DPY19L3: variants seen among roughly 807,000 people sequenced by gnomAD.
The protein encoded by DPY19L3 is protein C-mannosyl-transferase DPY19L3.
Under a neutral mutation model 92.3 loss-of-function variants are expected in DPY19L3, and 51 were observed. The ratio of observed to expected loss-of-function variants is 0.55; its 90% CI spans 0.44 to 0.70. The LOEUF (loss-of-function observed/expected upper bound fraction) is 0.70. Ranked by LOEUF, DPY19L3 falls within the 30% of genes least tolerant of loss-of-function variation. The pLI is 0.00. For synonymous variants in DPY19L3, 309 were observed against 315.2 expected (o/e 0.98, Z 0.21); for missense variants, 706 against 855.9 (o/e 0.82, Z 2.18).
chr19:32,412,937 AAAAG>A, intron 3 of DPY19L3: 1 of 152,276 alleles, frequency 6.6e-6, no homozygotes, highest in Middle Eastern at 3.4e-3. Flanking sequence ...ATCAAAAAAA[AAAAG>A]AAAAAAGTTG....
chr19:32,437,018 G>A (rs541427068), intron 5 of DPY19L3, among the ~76,000 whole-genome samples, 176 bp from the exon 6 acceptor site: 6 of 151,834 alleles, frequency 4.0e-5, no homozygotes, highest in South Asian at 4.2e-4. Flanking sequence ...GTCTCTTCTC[G>A]GTGGTGGGAA....
At chr19:32,459,405 C>T (rs771049466) in intron 12 of DPY19L3, among the ~76,000 whole-genome samples, 9 of 152,208 alleles carry the variant, frequency 5.9e-5, no homozygotes, top group Non-Finnish European at 8.8e-5. Flanking sequence ...TTCACAGCCA[C>T]GAGAGAGCTG....
intron 16 of DPY19L3, among the ~76,000 whole-genome samples, chr19:32,477,311 G>A (rs550682487): frequency 8.4e-4 from 127 of 151,680 alleles, no homozygotes; most frequent in African/African-American, 2.9e-3. Flanking sequence ...TGAGGTTTTT[G>A]CCATTGAAAG....
intron 8 of DPY19L3, among the ~76,000 whole-genome samples, chr19:32,444,551 A>G (rs1048423154): frequency 6.6e-6 from 1 of 152,242 alleles, no homozygotes; most frequent in Non-Finnish European, 1.5e-5. Flanking sequence ...AAAGTATGCA[A>G]AGAAATACTT....
intron 16 of DPY19L3, among the ~76,000 whole-genome samples, chr19:32,477,264 A>G (rs1292113529): frequency 6.6e-6 from 1 of 152,032 alleles, no homozygotes; most frequent in Non-Finnish European, 1.5e-5. Context: ...CATACAAAAC[A>G]TTGTTGTAAA....
chr19:32,452,490 T>C (rs77837387), intron 8 of DPY19L3, among the ~76,000 whole-genome samples: 4,807 of 152,338 alleles, frequency 0.032, 96 homozygotes, highest in Middle Eastern at 0.088. Context: ...TTATTGGTGG[T>C]CATAAACAGT....
At chr19:32,407,225 C>T (rs1236402557) in intron 1 of DPY19L3, among the ~76,000 whole-genome samples, 1 of 151,206 alleles carries the variant, frequency 6.6e-6, no homozygotes, top group Non-Finnish European at 1.5e-5. Flanking sequence ...GCCACCACTC[C>T]CCCGCCTCCC....
chr19:32,473,152 T>C (rs1206329847), intron 16 of DPY19L3, among the ~76,000 whole-genome samples: 1 of 152,236 alleles, frequency 6.6e-6, no homozygotes, highest in Non-Finnish European at 1.5e-5. Context: ...CAAAATGCCA[T>C]CAGGTCTTCC....
rs1202847085 is a variant in DPY19L3 at position 32,485,148 on chromosome 19, T to C, written c.*2908T>C. 2.0e-5 allele frequency: 3 copies of C among 152,206 alleles called. No homozygotes were observed. The highest frequency in any genetic ancestry group is 4.4e-5 in the Non-Finnish European group (3 of 68,034). The allele number at this position is 152,206 out of a possible 1,614,324, so 9.4% of individuals were successfully genotyped here. The stretch of plus-strand genomic sequence containing the variant: ...GGCAAACGAATGTATATTACACAGT[T>C]TAGGTTATGATTCCCTACTTTAACC... On this transcript the variant is annotated 3_prime_UTR_variant, in exon 19 of 19. Transcript: ENST00000392250.
In DPY19L3 at chr19:32,414,731, G is replaced by A. The variant is rs190649729; in HGVS notation, c.237+3359G>A. Among the ~76,000 whole-genome samples the A allele has an allele frequency of 5.9e-5, 9 of 152,264 alleles. No homozygotes were observed. In the East Asian group the frequency reaches 1.2e-3, roughly 20 times the overall value. The stretch of plus-strand genomic sequence containing the variant: ...TAGCCCAAATTGAATGCTAACAACC[G>A]TATAGCAAGGAGACATGTTGAAAGA... On this transcript the variant is annotated intron_variant, in intron 3 of 18. Coordinates refer to ENST00000392250, the MANE Select transcript of DPY19L3 (RefSeq NM_001172774.2).
At chr19:32,408,033 C>G (rs1017490871) in intron 1 of DPY19L3, among the ~76,000 whole-genome samples, 184 bp from the exon 2 acceptor site, 1 of 151,626 alleles carries the variant, frequency 6.6e-6, no homozygotes, top group Admixed American at 6.6e-5. Context: ...TACAGTGAGC[C>G]GTGATGGTGC....
chr19:32,464,103 A>G, intron 14 of DPY19L3, 123 bp downstream of exon 14: 2 of 460,472 alleles, frequency 4.3e-6, no homozygotes, highest in Non-Finnish European at 7.8e-6. Context: ...CTGAAAATAC[A>G]TAATTGATAT....
chr19:32,425,320 G>T (rs1968720580), intron 3 of DPY19L3, among the ~76,000 whole-genome samples: 1 of 152,140 alleles, frequency 6.6e-6, no homozygotes, highest in Non-Finnish European at 1.5e-5. Flanking sequence ...GGAGGCCAAG[G>T]CAGGCAGATC....
Position 32,480,413 on chromosome 19 carries a change from T to C in DPY19L3, c.1845T>C (p.Tyr615=). Reference sequence around the variant, plus strand: ...TCTTTTTGAAGGTTTATCAGATATATGCCAAGAGGGCACCAGAGGAAGTGC... The same window carrying C: ...TCTTTTTGAAGGTTTATCAGATATACGCCAAGAGGGCACCAGAGGAAGTGC... ...RERTRAVYQI[Y]AKRAPEEVHA... The change falls in exon 18 of 19, where the codon TAT becomes TAC. Residue 615 remains tyrosine, a synonymous_variant. Coordinates refer to ENST00000392250, the MANE Select transcript of DPY19L3 (RefSeq NM_001172774.2). The C allele has an allele frequency of 6.2e-7, 1 of 1,610,810 alleles. No homozygotes were observed. The highest frequency in any genetic ancestry group is 1.7e-4 in the Middle Eastern group (1 of 6,030).
At position 32,482,461 on chromosome 19, in the gene DPY19L3, G is replaced by C; in HGVS notation, c.*221G>C. ...CTATCTTTCTCATTAATGTTCTTTA[G>C]CCTAAATGTTAACAACTTTCTAAGA... On this transcript the variant is annotated 3_prime_UTR_variant, in exon 19 of 19. Transcript: ENST00000392250. 1 of 504,810 alleles carries C rather than the reference G, an allele frequency of 2.0e-6. No homozygotes were observed. Among genetic ancestry groups the C allele is most frequent in the Admixed American group, 3.7e-5 (1 of 26,872 alleles). 31.3% of individuals were successfully genotyped at this position (504,810 alleles called of 1,614,324 possible). A position where few individuals can be genotyped will look rare whatever the true frequency, so the allele number is the denominator to read the frequency against.
intron 16 of DPY19L3, among the ~76,000 whole-genome samples, chr19:32,471,998 ATGCAGGTGGCGCTCCAC>A (rs1210430567): frequency 3.9e-5 from 6 of 152,232 alleles, no homozygotes; most frequent in Admixed American, 2.6e-4. Context: ...AAGTGTGTGG[ATGCAGGTGGCGCTCCAC>A]TGCAGCTGCC....
At chr19:32,411,620 T>C (rs1033410277) in intron 3 of DPY19L3, 10 of 426,732 alleles carry the variant, frequency 2.3e-5, no homozygotes, top group African/African-American at 1.8e-4. Flanking sequence ...CAGGCTGGAG[T>C]GCGGTGGCGC....
intron 8 of DPY19L3, among the ~76,000 whole-genome samples, chr19:32,441,968 G>A (rs1168104071): frequency 6.6e-6 from 1 of 152,132 alleles, no homozygotes; most frequent in Non-Finnish European, 1.5e-5. Context: ...CAGACTTTAA[G>A]GAGGAACATT....
chr19:32,461,425 C>T (rs1599658355), intron 12 of DPY19L3, among the ~76,000 whole-genome samples: 2 of 152,246 alleles, frequency 1.3e-5, no homozygotes, highest in Non-Finnish European at 2.9e-5. Context: ...CTGCAGACTT[C>T]TCTTAGGTAT....
Sources: gnomAD v4.1 joint callset for allele counts (sites outside exome capture counted in the v4.1 genomes callset) on GRCh38, gnomAD v4.1.1 for gene constraint, MANE v1.5 for transcripts, NCBI Gene and HGNC (gene_info 2026-07-23, HGNC 2026-07-21) for gene names.